TIAM1: variants seen among roughly 807,000 people sequenced by gnomAD.
TIAM1 encodes the protein TIAM Rac1 associated GEF 1, also known as rho guanine nucleotide exchange factor TIAM1.
In TIAM1, 65 loss-of-function variants were observed where a neutral mutation model predicts 163.5. The observed-to-expected ratio is 0.40, with a 90% CI of 0.33 to 0.49. The LOEUF (loss-of-function observed/expected upper bound fraction) is 0.49. Among genes scored for constraint, TIAM1 ranks in the 20% least tolerant of loss-of-function variants. TIAM1 has a pLI of 0.77. For missense variants in TIAM1, 1,789 were observed against 2,044.7 expected (o/e 0.87, Z 2.41); for synonymous variants, 833 against 810.1 (o/e 1.03, Z -0.48).
intron 1 of TIAM1, among the ~76,000 whole-genome samples, chr21:31,478,680 C>G (rs2046013155): frequency 1.3e-5 from 2 of 152,124 alleles, no homozygotes; most frequent in Admixed American, 1.3e-4. Flanking sequence ...CATCCCCTAC[C>G]CATGAGTTTA....
At chr21:31,311,894 G>C (rs1241824354) in intron 2 of TIAM1, among the ~76,000 whole-genome samples, 1 of 150,328 alleles carries the variant, frequency 6.7e-6, no homozygotes, top group Non-Finnish European at 1.5e-5. Flanking sequence ...TCAGCTGCCA[G>C]CACGGCCAGA....
rs774086494 is a variant in TIAM1 at position 31,120,816 on chromosome 21, A to G, written c.4328T>C (p.Leu1443Pro). The G allele has an allele frequency of 4.3e-6, 7 of 1,612,716 alleles. No individual in the cohort carries two copies. In the Admixed American group the frequency reaches 1.0e-4, roughly 23 times the overall value. Residue 1443 changes from leucine (L) to proline (P), a missense_variant, in exon 28 of 28, where the codon CTT becomes CCT. Around this residue, in one of 5 missense-constraint regions of TIAM1, gnomAD observed 415 missense variants for 439.2 expected, o/e 0.94. Coordinates refer to ENST00000541036, the MANE Select transcript of TIAM1 (RefSeq NM_001353694.2). This position sits in a 1 kb window ranked among gnomAD's most constrained non-coding sequence, Gnocchi z 4.2. ...SRAVSAPSKS[L>P]GRRRRRLARN... ...AGCCAGCCGCCGCCTCCTCCTCCCA[A>G]GAGACTTGCTTGGGGCAGACACTGC...
intron 1 of TIAM1, among the ~76,000 whole-genome samples, chr21:31,553,451 C>T (rs1260434816): frequency 6.6e-6 from 1 of 152,164 alleles, no homozygotes; most frequent in Non-Finnish European, 1.5e-5. Context: ...CAAAACAAAA[C>T]CCACAGAAGG....
intron 6 of TIAM1, among the ~76,000 whole-genome samples, chr21:31,241,223 A>G (rs2071158920): frequency 6.6e-6 from 1 of 152,190 alleles, no homozygotes; most frequent in Non-Finnish European, 1.5e-5. Context: ...ACACAGTCTT[A>G]GTGAATTGAC....
At chr21:31,185,418 TTATGTTATA>T (rs1449455712) in intron 14 of TIAM1, among the ~76,000 whole-genome samples, 5 of 134,774 alleles carry the variant, frequency 3.7e-5, no homozygotes, top group Non-Finnish European at 7.6e-5. Flanking sequence ...TTATATATAA[TTATGTTATA>T]TAATTATATA....
intron 15 of TIAM1, among the ~76,000 whole-genome samples, chr21:31,181,306 C>T (rs191205995): frequency 2.2e-4 from 33 of 152,102 alleles, no homozygotes; most frequent in African/African-American, 7.7e-4. Flanking sequence ...CACATTTAGG[C>T]GAAAAGAGAG....
At chr21:31,372,813 TG>T (rs1184801657) in intron 2 of TIAM1, among the ~76,000 whole-genome samples, 1 of 151,786 alleles carries the variant, frequency 6.6e-6, no homozygotes, top group Non-Finnish European at 1.5e-5. Flanking sequence ...CCCGGCACTT[TG>T]GGAGGCCAAG....
rs560292151 is a variant in TIAM1 at position 31,154,439 on chromosome 21, G to A, written c.2992-13C>T. On this transcript the variant is annotated splice_polypyrimidine_tract_variant and intron_variant, in intron 16 of 27. Transcript: ENST00000541036. ...CCTGTTCTGTACTCTTCGGAGCACA[G>A]GGGGGAAGGGAAGGCAGAGGTCATT... is the stretch of plus-strand genomic sequence containing the variant. 5.6e-6 allele frequency: 9 copies of A among 1,606,740 alleles called. No homozygotes were observed. In the East Asian group the frequency reaches 1.8e-4, roughly 32 times the overall value.
intron 2 of TIAM1, among the ~76,000 whole-genome samples, chr21:31,368,907 AGGACTT>A (rs2076544324): frequency 6.6e-6 from 1 of 152,250 alleles, no homozygotes; most frequent in African/African-American, 2.4e-5. Context: ...TACAAAGCAA[AGGACTT>A]GGACTCTTAA....
At chr21:31,352,735 G>A (rs1602074311) in intron 2 of TIAM1, among the ~76,000 whole-genome samples, 1 of 151,648 alleles carries the variant, frequency 6.6e-6, no homozygotes, top group East Asian at 1.9e-4. Flanking sequence ...ATTAGCCAGG[G>A]ATGGTAACGC....
At chr21:31,236,888 A>C (rs1011208190) in intron 6 of TIAM1, among the ~76,000 whole-genome samples, 3 of 152,190 alleles carry the variant, frequency 2.0e-5, no homozygotes, top group Admixed American at 1.3e-4. Context: ...TGGGAACCTT[A>C]GGCAGGGTTG....
At chr21:31,504,286 C>A (rs763039442) in intron 1 of TIAM1, among the ~76,000 whole-genome samples, 8 of 152,220 alleles carry the variant, frequency 5.3e-5, no homozygotes, top group African/African-American at 9.6e-5. Context: ...TTAATCTTCA[C>A]AGAGATGCAA....
chr21:31,124,342 C>A (rs1808720017), intron 27 of TIAM1, 180 bp downstream of exon 27: 2 of 753,584 alleles, frequency 2.7e-6, no homozygotes, highest in South Asian at 2.9e-5. Flanking sequence ...GGGCGGATCC[C>A]CAGGAGCCAC....
intron 1 of TIAM1, among the ~76,000 whole-genome samples, chr21:31,489,674 C>T (rs986781600): frequency 7.8e-5 from 6 of 76,830 alleles, no homozygotes; most frequent in Admixed American, 1.5e-4. Flanking sequence ...AAGCCACGCT[C>T]ACAGCACACC....
intron 6 of TIAM1, among the ~76,000 whole-genome samples, chr21:31,228,870 CCTT>C (rs879222605): frequency 3.3e-5 from 5 of 152,144 alleles, no homozygotes; most frequent in Admixed American, 6.5e-5. Flanking sequence ...GCAAACACGT[CCTT>C]CTTCTCACGG....
chr21:31,140,373 A>C (rs2082793469), intron 22 of TIAM1, among the ~76,000 whole-genome samples: 1 of 152,216 alleles, frequency 6.6e-6, no homozygotes, highest in South Asian at 2.1e-4. Flanking sequence ...GAGCATACAG[A>C]GGCATTGACG....
chr21:31,549,111 T>A (rs1161734497), intron 1 of TIAM1, among the ~76,000 whole-genome samples: 1 of 152,212 alleles, frequency 6.6e-6, no homozygotes, highest in Non-Finnish European at 1.5e-5. Context: ...ATAAAATAAC[T>A]GAGTGATTCA....
chr21:31,423,090 C>CTTTTTTT (rs11356685), intron 2 of TIAM1, among the ~76,000 whole-genome samples: 1 of 54,576 alleles, frequency 1.8e-5, no homozygotes, highest in Non-Finnish European at 3.0e-5. Flanking sequence ...ACAGCACTAT[C>CTTTTTTT]TTTTTTTTTT....
At chr21:31,272,357 T>C (rs957027868) in intron 3 of TIAM1, among the ~76,000 whole-genome samples, 1 of 152,158 alleles carries the variant, frequency 6.6e-6, no homozygotes, top group African/African-American at 2.4e-5. Flanking sequence ...AAAGGTATTT[T>C]AAGAAACTTT....
Sources: allele counts gnomAD v4.1 joint callset (sites outside exome capture counted in the v4.1 genomes callset), GRCh38; gene constraint gnomAD v4.1.1; regional missense constraint gnomAD v4.1.1; non-coding constraint Gnocchi (gnomAD v3.1); transcripts MANE v1.5; gene names NCBI Gene and HGNC (gene_info 2026-07-23, HGNC 2026-07-21).